SYT16: variants seen among roughly 807,000 people sequenced by gnomAD.
SYT16 encodes the protein synaptotagmin 16.
Under a neutral mutation model 61.4 loss-of-function variants are expected in SYT16, and 42 were observed. The observed-to-expected ratio is 0.68, with a 90% confidence interval of 0.53 to 0.89. The LOEUF (loss-of-function observed/expected upper bound fraction) is 0.89. Ranked by LOEUF, SYT16 falls within the 40% of genes least tolerant of loss-of-function variation. The pLI, the probability that SYT16 is intolerant of heterozygous loss-of-function variation, is 0.00. For synonymous variants in SYT16, 314 were observed against 302.3 expected (o/e 1.04, Z -0.40); for missense variants, 804 against 807.3 (o/e 1.00, Z 0.05).
chr14:62,026,898 T>A (rs1159086774), intron 3 of SYT16, among the ~76,000 whole-genome samples: 1 of 152,204 alleles, frequency 6.6e-6, no homozygotes, highest in Non-Finnish European at 1.5e-5. Context: ...CTGAAGCTAT[T>A]AGTTATATTT....
intron 1 of SYT16, among the ~76,000 whole-genome samples, chr14:61,931,085 A>T (rs1335276923): frequency 6.6e-6 from 1 of 152,236 alleles, no homozygotes; most frequent in Non-Finnish European, 1.5e-5. Flanking sequence ...CTACCTCTGG[A>T]GTGCCCCATT....
chr14:62,066,959 T>C (rs2056085835), intron 3 of SYT16, among the ~76,000 whole-genome samples: 1 of 152,154 alleles, frequency 6.6e-6, no homozygotes, highest in Admixed American at 6.5e-5. Context: ...GCTCTTAACC[T>C]GCTGAACCTG....
At chr14:62,022,040 TTTC>T (rs2053929584) in intron 3 of SYT16, among the ~76,000 whole-genome samples, 1 of 148,774 alleles carries the variant, frequency 6.7e-6, no homozygotes, top group Non-Finnish European at 1.5e-5. Context: ...ATCTCTTCTT[TTTC>T]TTTTTTTTTT....
intron 1 of SYT16, among the ~76,000 whole-genome samples, chr14:61,881,630 C>G (rs1283012510): frequency 6.6e-6 from 1 of 152,196 alleles, no homozygotes; most frequent in Non-Finnish European, 1.5e-5. Flanking sequence ...TCCACAATGG[C>G]TATGGTGATG....
chr14:62,035,270 T>C (rs573681814), intron 3 of SYT16, among the ~76,000 whole-genome samples: 1 of 152,350 alleles, frequency 6.6e-6, no homozygotes, highest in African/African-American at 2.4e-5. Context: ...TCCAAGGGCA[T>C]GTAGCCCAGT....
chr14:61,846,333 G>T (rs141028431), intron 1 of SYT16, among the ~76,000 whole-genome samples: 80 of 152,180 alleles, frequency 5.3e-4, no homozygotes, highest in African/African-American at 1.8e-3. Context: ...ATATATCTGG[G>T]TTCTCTAGTG....
At position 61,875,917 on chromosome 14, in the gene SYT16, T is replaced by C. The variant is rs80052748; in HGVS notation, c.-325+63107T>C. Among the ~76,000 whole-genome samples the C allele has an allele frequency of 9.5e-3, 1,452 of 152,290 alleles. 9 individuals are homozygous for C. Among genetic ancestry groups the C allele is most frequent in the Middle Eastern group, 0.034 (10 of 294 alleles). ...GCCAAGGAAGCTGGGAAAGCAAGTCTTTGGTATTTTTGCAGTCATTGTGGA... is the reference window on the plus strand; with the variant it reads ...GCCAAGGAAGCTGGGAAAGCAAGTCCTTGGTATTTTTGCAGTCATTGTGGA... On this transcript the variant is annotated intron_variant, in intron 1 of 7. Coordinates refer to ENST00000683842, the MANE Select transcript of SYT16 (RefSeq NM_001367656.1).
intron 1 of SYT16, among the ~76,000 whole-genome samples, chr14:61,894,068 G>C (rs964649434): frequency 6.6e-6 from 1 of 152,170 alleles, no homozygotes; most frequent in Non-Finnish European, 1.5e-5. Context: ...CAGATTACCT[G>C]AGGTCAGGAG....
chr14:61,891,226 G>A (rs1219652262), intron 1 of SYT16, among the ~76,000 whole-genome samples: 3 of 135,474 alleles, frequency 2.2e-5, no homozygotes, highest in Non-Finnish European at 3.1e-5. Context: ...ATGTGTGCAC[G>A]TGCATACACA....
At chr14:62,032,780 G>A (rs561878975) in intron 3 of SYT16, among the ~76,000 whole-genome samples, 17 of 151,638 alleles carry the variant, frequency 1.1e-4, no homozygotes, top group Non-Finnish European at 2.1e-4. Context: ...GGTGGAGGGA[G>A]GAGTGGTTGT....
intron 3 of SYT16, among the ~76,000 whole-genome samples, chr14:62,011,102 A>G (rs900165135): frequency 6.6e-6 from 1 of 152,214 alleles, no homozygotes; most frequent in Non-Finnish European, 1.5e-5. Flanking sequence ...CATGCTATTT[A>G]CACAATTGAA....
At chr14:62,000,384 C>G (rs1474258522) in intron 3 of SYT16, among the ~76,000 whole-genome samples, 1 of 151,522 alleles carries the variant, frequency 6.6e-6, no homozygotes, top group East Asian at 1.9e-4. Context: ...ACAGCTGCTC[C>G]AACTTTCTTT....
intron 7 of SYT16, among the ~76,000 whole-genome samples, chr14:62,098,930 T>C (rs1281754457): frequency 6.6e-6 from 1 of 152,008 alleles, no homozygotes; most frequent in Non-Finnish European, 1.5e-5. Context: ...TGAACAAAAG[T>C]CATATGAGGC....
At chr14:61,906,791 A>ATCCATCCATCCG (rs2048738288) in intron 1 of SYT16, among the ~76,000 whole-genome samples, 1 of 62,514 alleles carries the variant, frequency 1.6e-5, no homozygotes, top group Admixed American at 1.5e-4. Flanking sequence ...CCGTCCGTCC[A>ATCCATCCATCCG]TCCATCCATC....
chr14:61,823,252 A>G (rs2045669331), intron 1 of SYT16, among the ~76,000 whole-genome samples: 1 of 152,046 alleles, frequency 6.6e-6, no homozygotes, highest in Admixed American at 6.6e-5. Context: ...CAGCCTCCCA[A>G]AGTGCTGGCA....
chr14:62,082,539 G>A (rs145261268), intron 6 of SYT16, among the ~76,000 whole-genome samples: 113 of 152,272 alleles, frequency 7.4e-4, no homozygotes, highest in African/African-American at 2.5e-3. Flanking sequence ...GCTGCTCAGC[G>A]GTGGTCTTTC....
At chr14:61,986,825 A>C (rs772010497) in intron 2 of SYT16, among the ~76,000 whole-genome samples, 27 of 152,240 alleles carry the variant, frequency 1.8e-4, no homozygotes, top group Admixed American at 4.6e-4. Flanking sequence ...AGCAGTATGT[A>C]ATATTTGTGT....
chr14:61,976,232 C>G (rs1411517939), intron 2 of SYT16, among the ~76,000 whole-genome samples: 7 of 152,176 alleles, frequency 4.6e-5, no homozygotes, highest in South Asian at 2.1e-4. Context: ...GTTCAGTCCC[C>G]CTCCTGGTTG....
At chr14:62,083,235 A>C (rs2056769702) in intron 6 of SYT16, among the ~76,000 whole-genome samples, 1 of 152,160 alleles carries the variant, frequency 6.6e-6, no homozygotes, top group Non-Finnish European at 1.5e-5. Flanking sequence ...GATTCCTTTT[A>C]TTGGTTCTAA....
Sources: gnomAD v4.1 joint callset for allele counts (sites outside exome capture counted in the v4.1 genomes callset) on GRCh38, gnomAD v4.1.1 for gene constraint, MANE v1.5 for transcripts, NCBI Gene and HGNC (gene_info 2026-07-23, HGNC 2026-07-21) for gene names.